DCDC2: variants seen among roughly 807,000 people sequenced by gnomAD.
DCDC2 encodes doublecortin domain-containing protein 2.
Under a neutral mutation model 50.2 loss-of-function variants are expected in DCDC2, and 40 were observed. That is an observed-to-expected ratio of 0.80 (90% CI 0.62 to 1.04). The LOEUF (loss-of-function observed/expected upper bound fraction) is 1.04. Among genes scored for constraint, DCDC2 ranks in the 50% least tolerant of loss-of-function variants. The probability of loss-of-function intolerance (pLI) is 0.00; values close to 1 mark genes in which losing one functional copy is unlikely to be tolerated. For synonymous variants in DCDC2, 234 were observed against 210.6 expected (o/e 1.11, Z -0.96); for missense variants, 570 against 581.9 (o/e 0.98, Z 0.21).
intron 7 of DCDC2, among the ~76,000 whole-genome samples, chr6:24,231,730 G>C (rs1445815463): frequency 1.3e-5 from 2 of 152,028 alleles, no homozygotes; most frequent in African/African-American, 4.8e-5. Flanking sequence ...AATTATTTAT[G>C]TGATGAAAAG....
upstream of DCDC2, among the ~76,000 whole-genome samples, chr6:24,358,899 AATATATTATATATTAT>A (rs1760554688): frequency 1.4e-4 from 3 of 21,492 alleles, 1 homozygote; most frequent in Non-Finnish European, 2.2e-4. Flanking sequence ...TTATATATAT[AATATATTATATATTAT>A]ATATATTATA....
Position 24,186,189 on chromosome 6 carries a change from G to A in DCDC2, c.1024-7557C>T, listed in dbSNP as rs191499182. On this transcript the variant is annotated intron_variant, in intron 8 of 9. Transcript: ENST00000378454. The stretch of plus-strand genomic sequence containing the variant: ...GGATAATTTCCATAAATTAGTATAC[G>A]CGCTTAAGCAACAAATGACTCTATC... Among the ~76,000 whole-genome samples, 194 of 152,316 alleles carry A rather than the reference G, an allele frequency of 1.3e-3. 1 individual carries two copies. The highest frequency in any genetic ancestry group is 3.4e-3 in the African/African-American group (140 of 41,572).
At chr6:24,255,314 A>G (rs933302324) in intron 7 of DCDC2, among the ~76,000 whole-genome samples, 1 of 151,978 alleles carries the variant, frequency 6.6e-6, no homozygotes, top group African/African-American at 2.4e-5. Context: ...AATTCCAGAC[A>G]GATTGTAACT....
intron 9 of DCDC2, among the ~76,000 whole-genome samples, chr6:24,177,893 G>C (rs941124710): frequency 1.3e-5 from 2 of 152,160 alleles, no homozygotes; most frequent in African/African-American, 2.4e-5. Context: ...AGAGATCAAA[G>C]AAATCACTCA....
At chr6:24,227,625 G>A (rs757118669) in intron 7 of DCDC2, among the ~76,000 whole-genome samples, 5 of 152,196 alleles carry the variant, frequency 3.3e-5, no homozygotes, top group Middle Eastern at 3.4e-3. Context: ...AGAAATAACC[G>A]ACCACAGCAG....
intron 7 of DCDC2, 49 bp from the exon 8 acceptor site, chr6:24,205,151 T>C (rs756729857): frequency 3.1e-6 from 5 of 1,614,132 alleles, no homozygotes; most frequent in Non-Finnish European, 1.7e-6. Context: ...TGTGACATCG[T>C]GTGGCTGAAT....
chr6:24,265,682 A>G (rs1304755440), intron 7 of DCDC2, among the ~76,000 whole-genome samples: 1 of 152,184 alleles, frequency 6.6e-6, no homozygotes, highest in Non-Finnish European at 1.5e-5. Flanking sequence ...TGGGTAAATC[A>G]AGAAGAAAAT....
chr6:24,325,580 TTC>T (rs1048124797), intron 2 of DCDC2, among the ~76,000 whole-genome samples: 11 of 149,606 alleles, frequency 7.4e-5, no homozygotes, highest in African/African-American at 2.7e-4. Flanking sequence ...CATCATCATG[TTC>T]TCTTAGTCCA....
chr6:24,325,139 A>T (rs1389159382), intron 2 of DCDC2, among the ~76,000 whole-genome samples: 7 of 130,908 alleles, frequency 5.3e-5, no homozygotes, highest in East Asian at 4.4e-4. Flanking sequence ...CAGAATCTCC[A>T]GAGCCCCGTG....
chr6:24,353,144 C>T (rs1561785353), intron 2 of DCDC2: 1 of 354,922 alleles, frequency 2.8e-6, no homozygotes, highest in Non-Finnish European at 5.6e-6. Flanking sequence ...GACATCTACT[C>T]ATCTCCTTTG....
chr6:24,251,819 A>G (rs1762801005), intron 7 of DCDC2, among the ~76,000 whole-genome samples: 1 of 152,332 alleles, frequency 6.6e-6, no homozygotes, highest in Middle Eastern at 3.4e-3. Context: ...TAATTTTTCC[A>G]GGATTTTACT....
intron 8 of DCDC2, among the ~76,000 whole-genome samples, 187 bp downstream of exon 8, chr6:24,204,815 C>T (rs945878064): frequency 1.3e-5 from 2 of 151,378 alleles, no homozygotes; most frequent in African/African-American, 2.4e-5. Flanking sequence ...GTCTAAATGG[C>T]TATTCTTCAC....
chr6:24,182,708 G>A (rs956336635), intron 8 of DCDC2, among the ~76,000 whole-genome samples: 11 of 150,452 alleles, frequency 7.3e-5, no homozygotes, highest in African/African-American at 2.4e-4. Context: ...TTTGGGGGAT[G>A]CAAAATGCTA....
the DCDC2 span, among the ~76,000 whole-genome samples, chr6:24,370,628 C>T: frequency 2.0e-5 from 3 of 152,166 alleles, no homozygotes; most frequent in South Asian, 2.1e-4. Flanking sequence ...GAGGATTGCT[C>T]GGGCCTGGGA....
At chr6:24,192,216 C>T (rs34771854) in intron 8 of DCDC2, among the ~76,000 whole-genome samples, 1 of 152,204 alleles carries the variant, frequency 6.6e-6, no homozygotes, top group African/African-American at 2.4e-5. Flanking sequence ...CTCTTTCTCA[C>T]AGTCAGATCC....
chr6:24,358,941 A>G (rs1437577755), upstream of DCDC2, among the ~76,000 whole-genome samples: 1 of 54,656 alleles, frequency 1.8e-5, no homozygotes, highest in East Asian at 8.3e-4. Context: ...TATATTTTAT[A>G]TATTATATAT....
At chr6:24,265,126 C>T (rs1017033734) in intron 7 of DCDC2, among the ~76,000 whole-genome samples, 1 of 151,902 alleles carries the variant, frequency 6.6e-6, no homozygotes, top group African/African-American at 2.4e-5. Flanking sequence ...CATAGTGAAA[C>T]CTCATCTCTA....
chr6:24,382,724 T>C, the DCDC2 span, among the ~76,000 whole-genome samples: 1 of 152,218 alleles, frequency 6.6e-6, no homozygotes, highest in Admixed American at 6.5e-5. Context: ...TGACCTTAAT[T>C]CTACACAACC....
At chr6:24,209,960 A>G (rs1458450496) in intron 7 of DCDC2, among the ~76,000 whole-genome samples, 2 of 152,042 alleles carry the variant, frequency 1.3e-5, no homozygotes, top group Non-Finnish European at 2.9e-5. Flanking sequence ...GACCATCATT[A>G]CAATATTTAT....
Sources: allele counts gnomAD v4.1 joint callset (sites outside exome capture counted in the v4.1 genomes callset), GRCh38; gene constraint gnomAD v4.1.1; transcripts MANE v1.5; gene names NCBI Gene and HGNC (gene_info 2026-07-23, HGNC 2026-07-21).